Variants in FER1L5 observed in about 807,000 individuals in gnomAD.
The protein encoded by FER1L5 is fer-1-like protein 5.
In FER1L5, 187 loss-of-function variants were observed where a neutral mutation model predicts 279.9. That is an observed-to-expected ratio of 0.67 (90% CI 0.59 to 0.75). The LOEUF (loss-of-function observed/expected upper bound fraction) is 0.75. FER1L5 is among the 30% of genes least tolerant of loss of function. FER1L5 has a pLI of 0.00. For synonymous variants in FER1L5, 921 were observed against 989.7 expected (o/e 0.93, Z 1.30); for missense variants, 2,091 against 2,594.4 (o/e 0.81, Z 4.21).
intron 9 of FER1L5, among the ~76,000 whole-genome samples, chr2:96,657,512 A>C (rs2075645494): frequency 6.6e-6 from 1 of 152,176 alleles, no homozygotes; most frequent in African/African-American, 2.4e-5. Flanking sequence ...GATAATGAAT[A>C]TACTCATCAC....
At chr2:96,687,390 G>A (rs779261884) in intron 23 of FER1L5, among the ~76,000 whole-genome samples, 1 of 152,224 alleles carries the variant, frequency 6.6e-6, no homozygotes, top group Non-Finnish European at 1.5e-5. Context: ...GTGGCCCTAG[G>A]CCAACTCCTG....
chr2:96,682,407 A>G (rs544606930), intron 19 of FER1L5, among the ~76,000 whole-genome samples: 1 of 152,184 alleles, frequency 6.6e-6, no homozygotes, highest in Admixed American at 6.5e-5. Context: ...ATTTTTTGAG[A>G]GATATTTTGG....
chr2:96,652,223 TG>T (rs1210962005), intron 7 of FER1L5: 2 of 665,642 alleles, frequency 3.0e-6, no homozygotes, highest in Admixed American at 5.9e-5. Context: ...GGTGGGCTGG[TG>T]GGGGCACAAC....
chr2:96,661,473 TC>T, intron 11 of FER1L5, 33 bp downstream of exon 11: 7 of 1,545,654 alleles, frequency 4.5e-6, no homozygotes, highest in Non-Finnish European at 6.1e-6. Flanking sequence ...AACTTTCCTA[TC>T]CTGGCTGCCT....
rs140636948 is a variant in FER1L5 at position 96,672,660 on chromosome 2, A to ATGTGTG, written c.1492-395_1492-390dup. ...AGGTTCAACCTTTCTGGGAGTATGA[A>ATGTGTG]TGTGTGTGTGTGTGTGTGTGTGTGT... is the stretch of plus-strand genomic sequence containing the variant. On this transcript the variant is annotated intron_variant, in intron 18 of 52. Transcript: ENST00000624922. Among the ~76,000 whole-genome samples the ATGTGTG allele has an allele frequency of 5.7e-3, 844 of 148,256 alleles. 5 individuals are homozygous for ATGTGTG. Among genetic ancestry groups the ATGTGTG allele is most frequent in the Middle Eastern group, 0.01 (3 of 286 alleles).
At chr2:96,662,419 G>A (rs1007318859) in intron 13 of FER1L5, among the ~76,000 whole-genome samples, 152 bp downstream of exon 13, 1 of 152,138 alleles carries the variant, frequency 6.6e-6, no homozygotes, top group Non-Finnish European at 1.5e-5. Context: ...ACTCTGTGCA[G>A]GCGGAGGCCA....
intron 6 of FER1L5, among the ~76,000 whole-genome samples, 165 bp from the exon 7 acceptor site, chr2:96,651,727 G>T (rs938593326): frequency 1.3e-5 from 2 of 151,854 alleles, no homozygotes; most frequent in Non-Finnish European, 1.5e-5. Flanking sequence ...ATCTGGTCTC[G>T]AACTCCTGGG....
At chr2:96,663,228 A>C (rs1337417953) in intron 13 of FER1L5, among the ~76,000 whole-genome samples, 1 of 152,240 alleles carries the variant, frequency 6.6e-6, no homozygotes, top group African/African-American at 2.4e-5. Flanking sequence ...AATATGAGGA[A>C]TCTGAATCTG....
Position 96,703,051 on chromosome 2 carries a change from A to G in FER1L5, c.5471A>G (p.Asp1824Gly). The change falls in exon 49 of 53, where the codon GAC (aspartate) becomes GGC (glycine). Residue 1824 changes from aspartate to glycine, a missense_variant. Asp to Gly is a moderately conservative substitution (Grantham distance 94, BLOSUM62 -1). Transcript: ENST00000624922. ...CTTATCATCCAGGTCTGGGACAATG[A>G]CATCTTCTCCCCCGACGACTTCCTA... ...ARLIIQVWDN[D>G]IFSPDDFLGV... 1.2e-6 allele frequency: 2 copies of G among 1,613,616 alleles called. No individual in the cohort carries two copies. The highest frequency in any genetic ancestry group is 1.7e-6 in the Non-Finnish European group (2 of 1,179,778).
intron 19 of FER1L5, among the ~76,000 whole-genome samples, chr2:96,681,757 A>G (rs1461072020): frequency 1.4e-5 from 2 of 142,882 alleles, no homozygotes; most frequent in African/African-American, 5.1e-5. Context: ...CTACTGAGAG[A>G]TTTTTGAGAG....
chr2:96,659,381 C>CTTTCTTTCTTTCTTTCT (rs2075798051), intron 9 of FER1L5, among the ~76,000 whole-genome samples: 1 of 11,024 alleles, frequency 9.1e-5, no homozygotes, highest in Non-Finnish European at 1.4e-4. Flanking sequence ...TTCTTTCTTT[C>CTTTCTTTCTTTCTTTCT]TTTCTTTCTT....
At chr2:96,660,055 C>T (rs539269169) in intron 9 of FER1L5, among the ~76,000 whole-genome samples, 15 of 152,326 alleles carry the variant, frequency 9.8e-5, no homozygotes, top group Admixed American at 7.8e-4. Context: ...TAGAGTTGGG[C>T]TGCTTTGGCC....
rs776173328 is a variant in FER1L5, at chr2:96,689,187, C to T, written c.2362-26C>T. The stretch of plus-strand genomic sequence containing the variant: ...CGCACTTTGTGCTAGAGGAGGCGGC[C>T]GCCCTGACAAGCTTCCCTCCCCTAG... On this transcript the variant is annotated intron_variant, in intron 24 of 52. Transcript: ENST00000624922. This position sits in a 1 kb window ranked among gnomAD's most constrained non-coding sequence, Gnocchi z 4.6. 39 of 1,547,396 alleles carry T rather than the reference C, an allele frequency of 2.5e-5. No homozygotes were observed. The highest frequency in any genetic ancestry group is 1.6e-4 in the Admixed American group (8 of 50,134).
chr2:96,647,456 G>T (rs925454797), intron 3 of FER1L5, among the ~76,000 whole-genome samples: 3 of 152,176 alleles, frequency 2.0e-5, no homozygotes, highest in Non-Finnish European at 4.4e-5. Context: ...GCCCAGCTGA[G>T]ACTCACATGC....
At chr2:96,646,521 C>T in intron 2 of FER1L5, 68 bp downstream of exon 2, 1 of 1,482,984 alleles carries the variant, frequency 6.7e-7, no homozygotes, top group South Asian at 1.2e-5. Flanking sequence ...GGGTGGGGTC[C>T]AGGAAGGTGC....
At chr2:96,697,960 C>A in intron 39 of FER1L5, 77 bp from the exon 40 acceptor site, 1 of 1,511,914 alleles carries the variant, frequency 6.6e-7, no homozygotes, top group Non-Finnish European at 8.9e-7. Flanking sequence ...TGGAGTGAGA[C>A]CTGGGAGCTG....
At chr2:96,647,977 T>TG (rs368496444) in intron 4 of FER1L5, 91 bp downstream of exon 4, 7 of 1,069,050 alleles carry the variant, frequency 6.5e-6, no homozygotes, top group South Asian at 4.2e-5. Context: ...GCTTCCTGCT[T>TG]GGGGGGCCCC....
Position 96,692,183 on chromosome 2 carries a change from T to C in FER1L5, c.3292+2T>C. 1.3e-6 allele frequency: 2 copies of C among 1,551,376 alleles called. No individual in the cohort carries two copies. Among genetic ancestry groups the C allele is most frequent in the Non-Finnish European group, 1.7e-6 (2 of 1,146,874 alleles). ...CCAATCAGATCCTGACATTCCAAGG[T>C]AGGTGGCAGGCAGCCTTGTCCCCAG... On this transcript the variant is annotated splice_donor_variant, in intron 31 of 52. Coordinates refer to ENST00000624922, the MANE Select transcript of FER1L5 (RefSeq NM_001293083.2). LOFTEE classifies it high-confidence loss of function.
Position 96,698,039 on chromosome 2 carries a change from GTA to G in FER1L5, c.4241_4242del (p.Tyr1414Ter). 3 of 1,568,742 alleles carry G rather than the reference GTA, an allele frequency of 1.9e-6. No homozygotes were observed. In the Middle Eastern group the frequency reaches 5.0e-4, roughly 261 times the overall value. On this transcript the variant is annotated frameshift_variant, in exon 40 of 53. Coordinates refer to ENST00000624922, the MANE Select transcript of FER1L5 (RefSeq NM_001293083.2). LOFTEE classifies it high-confidence loss of function. The surrounding 1 kb of genome is among the most constrained non-coding windows in gnomAD (Gnocchi z 5.5). ...CAGGGTTCCACACACCTCTGCAGGTGTATGAGTGTGAGCTGGAGGCCGTGCCA... is the reference window on the plus strand; with the variant it reads ...CAGGGTTCCACACACCTCTGCAGGTGTGAGTGTGAGCTGGAGGCCGTGCCA... ...KYKDYHTLKV[Y>X]ECELEAVPAF... is the part of the protein sequence containing the mutation.
Sources: gnomAD v4.1 joint callset for allele counts (sites outside exome capture counted in the v4.1 genomes callset) on GRCh38, gnomAD v4.1.1 for gene constraint, Gnocchi (gnomAD v3.1) non-coding constraint, MANE v1.5 for transcripts, NCBI Gene and HGNC (gene_info 2026-07-23, HGNC 2026-07-21) for gene names.